Variants in NNT observed in about 807,000 individuals in gnomAD.
NNT encodes the protein NAD(P) transhydrogenase, mitochondrial.
A neutral mutation model predicts 104.8 loss-of-function variants in NNT; 50 were observed. The observed-to-expected ratio is 0.48, with a 90% confidence interval of 0.38 to 0.60. The LOEUF (loss-of-function observed/expected upper bound fraction) is 0.60. Among genes scored for constraint, NNT ranks in the 20% least tolerant of loss-of-function variants. NNT has a pLI of 0.00. For synonymous variants in NNT, 461 were observed against 490.4 expected, an observed-to-expected ratio of 0.94 and a Z score of 0.79; for missense variants, 1,131 against 1,330.7, an observed-to-expected ratio of 0.85 and a Z score of 2.33.
In NNT at chr5:43,613,002, G is replaced by C; in HGVS notation, c.246G>C (p.Leu82Phe). 6.2e-7 allele frequency: 1 copy of C among 1,614,104 alleles called. No individual in the cohort carries two copies. The highest frequency in any genetic ancestry group is 8.5e-7 in the Non-Finnish European group (1 of 1,179,996). ...VALSPAGVQN[L>F]VKQGFNVVVE... ...TGTCTCCTGCTGGTGTTCAGAACTTGGTCAAGCAGGGTTTTAATGTTGTCG... is the reference window on the plus strand; with the variant it reads ...TGTCTCCTGCTGGTGTTCAGAACTTCGTCAAGCAGGGTTTTAATGTTGTCG... The change falls in exon 3 of 22, where the codon TTG (leucine) becomes TTC (phenylalanine). Residue 82 changes from leucine (L) to phenylalanine (F), a missense_variant. Transcript: ENST00000344920.
Position 43,661,347 on chromosome 5 carries a change from A to AT in NNT, c.2634+2001dup, listed in dbSNP as rs760836845. On this transcript the variant is annotated intron_variant, in intron 17 of 21. Coordinates refer to ENST00000344920, the MANE Select transcript of NNT (RefSeq NM_182977.3). ...TTGAATGACCAGCAGGGGGCAGCAG[A>AT]TTTTCATTATTACTTAAACTTGCGG... Among the ~76,000 whole-genome samples, 4 of 151,956 alleles carry AT rather than the reference A, an allele frequency of 2.6e-5. No homozygotes were observed. In the South Asian group the frequency reaches 6.2e-4, roughly 24 times the overall value.
chr5:43,626,312 T>A (rs966817166), intron 6 of NNT, among the ~76,000 whole-genome samples: 1 of 152,158 alleles, frequency 6.6e-6, no homozygotes, highest in Non-Finnish European at 1.5e-5. Flanking sequence ...TTTGGGAAGA[T>A]GTATGTAGGC....
chr5:43,700,904 T>C (rs925499051), intron 20 of NNT, among the ~76,000 whole-genome samples: 3 of 152,216 alleles, frequency 2.0e-5, no homozygotes, highest in African/African-American at 7.2e-5. Context: ...TAGATTCACA[T>C]AGCATTTTTT....
intron 14 of NNT, 36 bp downstream of exon 14, chr5:43,653,249 C>A: frequency 6.5e-7 from 1 of 1,546,020 alleles, no homozygotes; most frequent in South Asian, 1.2e-5. Context: ...CATGTGAACT[C>A]CAGTTTCTCA....
At chr5:43,647,603 CTTT>C (rs1197994627) in intron 10 of NNT, among the ~76,000 whole-genome samples, 8 of 152,172 alleles carry the variant, frequency 5.3e-5, no homozygotes, top group Non-Finnish European at 1.2e-4. Context: ...GCTTTCTCTT[CTTT>C]TGTCAGCCTT....
At chr5:43,614,299 C>T (rs930685012) in intron 3 of NNT, among the ~76,000 whole-genome samples, 2 of 152,114 alleles carry the variant, frequency 1.3e-5, no homozygotes, top group Non-Finnish European at 2.9e-5. Flanking sequence ...TGACTTTATA[C>T]AGTACTAGCA....
chr5:43,688,844 T>A (rs990530647), intron 19 of NNT, among the ~76,000 whole-genome samples: 1 of 152,256 alleles, frequency 6.6e-6, no homozygotes, highest in Admixed American at 6.5e-5. Flanking sequence ...CAAATTGTGC[T>A]GCTATAAACG....
At chr5:43,663,470 G>A (rs912457998) in intron 17 of NNT, among the ~76,000 whole-genome samples, 3 of 152,106 alleles carry the variant, frequency 2.0e-5, no homozygotes, top group Non-Finnish European at 4.4e-5. Context: ...CATATTTTTC[G>A]ATTTTGAAGA....
chr5:43,656,138 A>G (rs927913922), intron 15 of NNT, 65 bp downstream of exon 15: 2 of 1,339,936 alleles, frequency 1.5e-6, no homozygotes, highest in African/African-American at 2.9e-5. Flanking sequence ...GATCCATTTT[A>G]ATTTCAGAAA....
chr5:43,674,829 T>G (rs188655841), intron 17 of NNT, among the ~76,000 whole-genome samples: 6 of 152,342 alleles, frequency 3.9e-5, no homozygotes, highest in African/African-American at 1.4e-4. Context: ...TTCATTTATT[T>G]TATTTTTCTT....
At chr5:43,687,042 AC>A (rs1420049604) in intron 19 of NNT, among the ~76,000 whole-genome samples, 1 of 151,982 alleles carries the variant, frequency 6.6e-6, no homozygotes, top group Admixed American at 6.6e-5. Context: ...GTTGTTTAAA[AC>A]CCCTTCTCTC....
At chr5:43,617,318 C>A (rs985353851) in intron 4 of NNT, among the ~76,000 whole-genome samples, 1 of 152,188 alleles carries the variant, frequency 6.6e-6, no homozygotes, top group Non-Finnish European at 1.5e-5. Flanking sequence ...CCAGTAAGAG[C>A]TGAGTAGCTT....
In NNT at chr5:43,702,640, A is replaced by T. The variant is rs1418414455; in HGVS notation, c.3015A>T (p.Val1005=). 1 of 1,609,340 alleles carries T rather than the reference A, an allele frequency of 6.2e-7. No homozygotes were observed. Among genetic ancestry groups the T allele is most frequent in the Middle Eastern group, 1.7e-4 (1 of 6,048 alleles). ...ATATAGATACTGATTTGGTCCTTGT[A>T]ATTGGAGCTAATGACACTGTTAATT... ...HDFPDTDLVL[V]IGANDTVNSA... is the part of the protein sequence containing the mutation. The change falls in exon 21 of 22, where the codon GTA becomes GTT. Residue 1005 remains valine (V), a synonymous_variant. Transcript: ENST00000344920.
chr5:43,680,096 ATTC>A (rs1489604562), intron 19 of NNT, among the ~76,000 whole-genome samples: 1 of 152,040 alleles, frequency 6.6e-6, no homozygotes, highest in Non-Finnish European at 1.5e-5. Flanking sequence ...GAAGAGGACT[ATTC>A]TTGCTAAAAT....
At chr5:43,617,634 G>A (rs1233373857) in intron 4 of NNT, among the ~76,000 whole-genome samples, 1 of 152,140 alleles carries the variant, frequency 6.6e-6, no homozygotes, top group Non-Finnish European at 1.5e-5. Context: ...TTGCTGTCAT[G>A]AAGAAAATGT....
chr5:43,660,511 TA>T (rs1484629655), intron 17 of NNT, among the ~76,000 whole-genome samples: 1 of 152,184 alleles, frequency 6.6e-6, no homozygotes, highest in Non-Finnish European at 1.5e-5. Context: ...TTTACACTGA[TA>T]AATAATTTAG....
chr5:43,615,114 G>C (rs1441308131), intron 3 of NNT, among the ~76,000 whole-genome samples: 2 of 151,666 alleles, frequency 1.3e-5, no homozygotes, highest in Non-Finnish European at 2.9e-5. Flanking sequence ...TCCGCAGTCC[G>C]GCCTGGGCGA....
At chr5:43,645,653 ATCTCTCTCTCTC>A (rs372296149) in intron 10 of NNT, 143 bp downstream of exon 10, 18 of 68,560 alleles carry the variant, frequency 2.6e-4, no homozygotes, top group African/African-American at 7.9e-4. Flanking sequence ...CTATCTATCT[ATCTCTCTCTCTC>A]TCTCTCTCTC....
intron 17 of NNT, among the ~76,000 whole-genome samples, chr5:43,665,091 C>T (rs976452044): frequency 3.3e-5 from 5 of 152,070 alleles, no homozygotes; most frequent in Non-Finnish European, 5.9e-5. Context: ...TTATTTATCC[C>T]TCTCCTCTGT....
Sources: gnomAD v4.1 joint callset for allele counts (sites outside exome capture counted in the v4.1 genomes callset) on GRCh38, gnomAD v4.1.1 for gene constraint, MANE v1.5 for transcripts, NCBI Gene and HGNC (gene_info 2026-07-23, HGNC 2026-07-21) for gene names.